Variants in SLC8A1 observed in about 807,000 individuals in gnomAD.
The protein encoded by SLC8A1 is solute carrier family 8 member A1, also known as sodium/calcium exchanger 1.
A neutral mutation model predicts 68.3 loss-of-function variants in SLC8A1; 18 were observed. That is an observed-to-expected ratio of 0.26 (90% CI 0.18 to 0.39). The LOEUF is 0.39. SLC8A1 is among the 10% of genes least tolerant of loss of function. SLC8A1 has a pLI of 1.00. For missense variants in SLC8A1, 985 were observed against 1,156.7 expected (o/e 0.85, Z 2.15); for synonymous variants, 475 against 415.5 (o/e 1.14, Z -1.74).
At chr2:40,340,240 T>G (rs1023422403) in intron 2 of SLC8A1, among the ~76,000 whole-genome samples, 1 of 152,194 alleles carries the variant, frequency 6.6e-6, no homozygotes, top group Non-Finnish European at 1.5e-5. Flanking sequence ...GTCCTATTTC[T>G]GTGAGTTGAT....
chr2:40,371,081 G>C (rs1013954320), intron 2 of SLC8A1, among the ~76,000 whole-genome samples: 1 of 152,014 alleles, frequency 6.6e-6, no homozygotes, highest in African/African-American at 2.4e-5. Flanking sequence ...AACTAGAAGG[G>C]ATCTTTTCTA....
chr2:40,334,779 A>G (rs1321966732), intron 2 of SLC8A1, among the ~76,000 whole-genome samples: 1 of 152,206 alleles, frequency 6.6e-6, no homozygotes, highest in Non-Finnish European at 1.5e-5. Context: ...AGAGAAATCT[A>G]ATTTGCATCT....
intron 1 of SLC8A1, among the ~76,000 whole-genome samples, chr2:40,467,842 C>T (rs967513357): frequency 6.6e-6 from 1 of 152,128 alleles, no homozygotes; most frequent in Non-Finnish European, 1.5e-5. Flanking sequence ...GCAATCTTCA[C>T]AAAGTGATTT....
intron 2 of SLC8A1, among the ~76,000 whole-genome samples, chr2:40,319,696 C>T (rs2074953022): frequency 6.6e-6 from 1 of 152,060 alleles, no homozygotes; most frequent in African/African-American, 2.4e-5. Context: ...ATTTGACTTT[C>T]CTCCATTAGC....
intron 2 of SLC8A1, among the ~76,000 whole-genome samples, chr2:40,419,183 C>T (rs1208669892): frequency 1.3e-5 from 2 of 152,190 alleles, no homozygotes; most frequent in African/African-American, 4.8e-5. Flanking sequence ...AGAATATTTG[C>T]TGGAAGCAGG....
upstream of SLC8A1, chr2:40,453,511 T>G (rs1157434055): frequency 6.6e-6 from 1 of 152,260 alleles, no homozygotes; most frequent in Non-Finnish European, 1.5e-5. Context: ...TAGCCTCTTC[T>G]GCCCCTGTGC....
intron 2 of SLC8A1, among the ~76,000 whole-genome samples, chr2:40,324,640 T>C (rs940806005): frequency 1.3e-5 from 2 of 152,124 alleles, no homozygotes; most frequent in Non-Finnish European, 1.5e-5. Flanking sequence ...AATTAAGTTA[T>C]TAGTTTCTCT....
exon 8 of SLC8A1, chr2:40,107,219 G>A (rs2034256992): frequency 7.5e-6 from 1 of 132,782 alleles, no homozygotes; most frequent in Admixed American, 9.1e-5. Context: ...GGTGGAGCTT[G>A]CAGTGAGCCG....
rs371993828 is a variant in SLC8A1 at position 40,139,389 on chromosome 2, T to C, written c.2437+12A>G. The C allele has an allele frequency of 1.5e-5, 25 of 1,613,294 alleles. No individual in the cohort carries two copies. The highest frequency in any genetic ancestry group is 2.0e-5 in the Non-Finnish European group (24 of 1,179,500). ...TGCTACTGGGGGAATTATACATGAA[T>C]GTAATTTGTACCTGGCACTGATGTT... On this transcript the variant is annotated intron_variant, in intron 7 of 7. Coordinates refer to ENST00000406785, the Ensembl canonical transcript of SLC8A1.
intron 2 of SLC8A1, among the ~76,000 whole-genome samples, chr2:40,396,640 T>C (rs905907583): frequency 6.6e-6 from 1 of 151,272 alleles, no homozygotes; most frequent in Admixed American, 6.6e-5. Flanking sequence ...ATTCATTAAA[T>C]ATTTCTGTAA....
chr2:40,101,079 C>A (rs752479635), exon 8 of SLC8A1: 5 of 152,106 alleles, frequency 3.3e-5, no homozygotes. Context: ...TGCACACATA[C>A]ACACATATAA....
At chr2:40,163,311 G>A (rs559318737) in intron 5 of SLC8A1, among the ~76,000 whole-genome samples, 1 of 152,202 alleles carries the variant, frequency 6.6e-6, no homozygotes, top group African/African-American at 2.4e-5. Flanking sequence ...TGGGTGCATG[G>A]AAGGGGAAGG....
intron 2 of SLC8A1, among the ~76,000 whole-genome samples, chr2:40,325,457 T>C (rs1415664591): frequency 6.6e-6 from 1 of 152,186 alleles, no homozygotes; most frequent in Non-Finnish European, 1.5e-5. Flanking sequence ...GACTACATTT[T>C]CTAGAAACTC....
rs144327700 is a variant in SLC8A1 at position 40,412,800 on chromosome 2, T to C, written c.1808+15673A>G. 4.0e-4 allele frequency among the ~76,000 whole-genome samples: 61 copies of C among 152,334 alleles called. 1 individual carries two copies. The East Asian group carries it at 7.9e-3, about 20-fold the overall frequency. ...GGAAGACACCAACCTCATTTTACTA[T>C]GGATGAAAACTATTGATGGATATTT... On this transcript the variant is annotated intron_variant, in intron 2 of 7. Coordinates refer to ENST00000406785, the Ensembl canonical transcript of SLC8A1.
Position 40,415,520 on chromosome 2 carries a change from T to C in SLC8A1, c.1808+12953A>G, listed in dbSNP as rs186787202. 1.4e-4 allele frequency among the ~76,000 whole-genome samples: 22 copies of C among 152,174 alleles called. No individual in the cohort carries two copies. In the South Asian group the frequency reaches 4.4e-3, roughly 30 times the overall value. On this transcript the variant is annotated intron_variant, in intron 2 of 7. Coordinates refer to ENST00000406785, the Ensembl canonical transcript of SLC8A1. The stretch of plus-strand genomic sequence containing the variant: ...AAAGGATTACTTCTTCCATTGCCAC[T>C]AATCTAATTACTTTCCCCTATCTGT...
intron 2 of SLC8A1, among the ~76,000 whole-genome samples, chr2:40,420,531 T>C (rs1412200254): frequency 2.6e-5 from 4 of 152,120 alleles, no homozygotes; most frequent in Non-Finnish European, 5.9e-5. Flanking sequence ...AAATAAATAT[T>C]GTGTGAGAGA....
At chr2:40,165,882 A>G (rs1338562364) in intron 4 of SLC8A1, among the ~76,000 whole-genome samples, 1 of 152,176 alleles carries the variant, frequency 6.6e-6, no homozygotes, top group African/African-American at 2.4e-5. Flanking sequence ...AGAAGGGCAA[A>G]CACTGGTCCT....
chr2:40,394,295 G>A (rs1686220350), intron 2 of SLC8A1, among the ~76,000 whole-genome samples: 1 of 152,092 alleles, frequency 6.6e-6, no homozygotes, highest in African/African-American at 2.4e-5. Context: ...AGCCATTCTA[G>A]GGAGAGTAAT....
At chr2:40,153,891 A>T (rs1354813623) in intron 6 of SLC8A1, among the ~76,000 whole-genome samples, 1 of 152,154 alleles carries the variant, frequency 6.6e-6, no homozygotes, top group African/African-American at 2.4e-5. Context: ...AGGCTTGCAC[A>T]CTCATTTCCA....
Sources: allele counts gnomAD v4.1 joint callset (sites outside exome capture counted in the v4.1 genomes callset), GRCh38; gene constraint gnomAD v4.1.1; transcripts MANE v1.5; gene names NCBI Gene and HGNC (gene_info 2026-07-23, HGNC 2026-07-21).